The following MCTP1 variants were observed in gnomAD, a reference collection of about 807,000 sequenced individuals.
MCTP1 encodes the protein multiple C2 and transmembrane domain containing 1.
Under a neutral mutation model 120.6 loss-of-function variants are expected in MCTP1, and 69 were observed. That is an observed-to-expected ratio of 0.57 (90% confidence interval 0.47 to 0.70). MCTP1 has a LOEUF of 0.70. Among genes scored for constraint, MCTP1 ranks in the 30% least tolerant of loss-of-function variants. The pLI, the probability that MCTP1 is intolerant of heterozygous loss-of-function variation, is 0.00. For synonymous variants in MCTP1, 529 were observed against 493.1 expected (o/e 1.07, Z -0.96); for missense variants, 1,203 against 1,248.8 (o/e 0.96, Z 0.55).
At chr5:95,195,745 C>T (rs1267557631) in intron 1 of MCTP1, among the ~76,000 whole-genome samples, 1 of 151,560 alleles carries the variant, frequency 6.6e-6, no homozygotes, top group Non-Finnish European at 1.5e-5. Flanking sequence ...AACAATAATT[C>T]CTAGACCCAG....
At chr5:94,794,192 T>A (rs1189427062) in intron 18 of MCTP1, among the ~76,000 whole-genome samples, 1 of 152,232 alleles carries the variant, frequency 6.6e-6, no homozygotes, top group Non-Finnish European at 1.5e-5. Context: ...AGGAATATCA[T>A]GACAGTAAAA....
intron 17 of MCTP1, among the ~76,000 whole-genome samples, chr5:94,847,609 G>C (rs1326582932): frequency 6.6e-6 from 1 of 150,660 alleles, no homozygotes; most frequent in Non-Finnish European, 1.5e-5. Flanking sequence ...GTAGGAGGGG[G>C]TAAAAATCTT....
rs150657080 is a variant in MCTP1, at chr5:94,851,182, C to A, written c.2436+17151G>T. The stretch of plus-strand genomic sequence containing the variant: ...AATATGCTGAGTCAGTTTAAAAATG[C>A]AGATCTTTAAAACTATAAGGCAAGT... On this transcript the variant is annotated intron_variant, in intron 17 of 22. Transcript: ENST00000515393. Among the ~76,000 whole-genome samples, 31 of 152,096 alleles carry A rather than the reference C, an allele frequency of 2.0e-4. No individual in the cohort carries two copies. In the East Asian group the frequency reaches 4.7e-3, roughly 23 times the overall value.
At chr5:95,255,532 A>G (rs925070172) in intron 1 of MCTP1, among the ~76,000 whole-genome samples, 2 of 152,084 alleles carry the variant, frequency 1.3e-5, no homozygotes, top group East Asian at 1.9e-4. Context: ...CCAGGATGGT[A>G]CCCCTGGTGC....
intron 19 of MCTP1, among the ~76,000 whole-genome samples, chr5:94,760,884 T>G (rs1771179288): frequency 6.6e-6 from 1 of 152,040 alleles, no homozygotes; most frequent in Admixed American, 6.6e-5. Flanking sequence ...AGGGTCCCAC[T>G]ATGTCACCCA....
intron 1 of MCTP1, among the ~76,000 whole-genome samples, chr5:95,100,287 T>TA (rs961366118): frequency 4.0e-5 from 6 of 151,518 alleles, no homozygotes; most frequent in Middle Eastern, 3.4e-3. Context: ...AAAAAAAAAT[T>TA]AAAAAAAAAT....
chr5:95,142,994 C>A (rs969161459), intron 1 of MCTP1, among the ~76,000 whole-genome samples: 1 of 151,816 alleles, frequency 6.6e-6, no homozygotes, highest in African/African-American at 2.4e-5. Context: ...CTGTTTTTTT[C>A]ATAACAAGAA....
chr5:94,745,067 C>T (rs1228918656), intron 19 of MCTP1, among the ~76,000 whole-genome samples: 2 of 142,534 alleles, frequency 1.4e-5, no homozygotes, highest in African/African-American at 5.2e-5. Context: ...CATGCTCCCA[C>T]CCACAGAGAG....
chr5:94,855,120 T>A (rs1794493456), intron 17 of MCTP1, among the ~76,000 whole-genome samples: 1 of 151,868 alleles, frequency 6.6e-6, no homozygotes, highest in African/African-American at 2.4e-5. Context: ...AACCCGCAAC[T>A]CTGATAAGAC....
chr5:94,928,801 G>A (rs2153475022), intron 6 of MCTP1, among the ~76,000 whole-genome samples: 1 of 151,698 alleles, frequency 6.6e-6, no homozygotes, highest in East Asian at 1.9e-4. Flanking sequence ...TTTTTCCTAT[G>A]TATTACTAAG....
At chr5:95,157,109 A>G in intron 1 of MCTP1, among the ~76,000 whole-genome samples, 1 of 152,328 alleles carries the variant, frequency 6.6e-6, no homozygotes, top group East Asian at 1.9e-4. Context: ...TTATGTGAAA[A>G]TTATAAATAG....
intron 14 of MCTP1, 127 bp from the exon 15 acceptor site, chr5:94,871,100 G>GTACC: frequency 1.3e-6 from 1 of 780,746 alleles, no homozygotes; most frequent in South Asian, 1.6e-5. Flanking sequence ...ATTCTGACAA[G>GTACC]TACCTGTTCA....
At chr5:95,203,415 C>T (rs1384017424) in intron 1 of MCTP1, among the ~76,000 whole-genome samples, 1 of 152,126 alleles carries the variant, frequency 6.6e-6, no homozygotes, top group African/African-American at 2.4e-5. Context: ...TGAGATGAGA[C>T]CCTTGTGAAT....
At chr5:94,877,860 G>C (rs1425509479) in intron 12 of MCTP1, 1 of 152,144 alleles carries the variant, frequency 6.6e-6, no homozygotes, top group Non-Finnish European at 1.5e-5. Flanking sequence ...ATCCATCAGT[G>C]GTGGGCTTTG....
intron 1 of MCTP1, among the ~76,000 whole-genome samples, chr5:95,237,180 A>C (rs1755633966): frequency 6.6e-6 from 1 of 152,122 alleles, no homozygotes; most frequent in South Asian, 2.1e-4. Flanking sequence ...CAGGGTTTCC[A>C]AACATAGCCA....
chr5:95,210,302 G>A (rs1271092217), intron 1 of MCTP1, among the ~76,000 whole-genome samples: 1 of 151,660 alleles, frequency 6.6e-6, no homozygotes, highest in African/African-American at 2.4e-5. Context: ...TTATTGTGTG[G>A]GAGTCTAAGT....
intron 1 of MCTP1, among the ~76,000 whole-genome samples, chr5:95,271,349 G>A (rs1759377031): frequency 6.6e-6 from 1 of 152,036 alleles, no homozygotes; most frequent in South Asian, 2.1e-4. Context: ...AGATCCATTT[G>A]TTCCTAATTC....
At chr5:94,882,799 C>T (rs1257296065) in intron 12 of MCTP1, among the ~76,000 whole-genome samples, 1 of 152,136 alleles carries the variant, frequency 6.6e-6, no homozygotes, top group Non-Finnish European at 1.5e-5. Flanking sequence ...ATATCAAACC[C>T]AATTATTAAT....
chr5:95,088,698 A>G (rs768175664), intron 1 of MCTP1, among the ~76,000 whole-genome samples: 6 of 152,200 alleles, frequency 3.9e-5, no homozygotes, highest in Non-Finnish European at 8.8e-5. Context: ...TGCATTTTGC[A>G]TTACTATTTG....
Sources: allele counts gnomAD v4.1 joint callset (sites outside exome capture counted in the v4.1 genomes callset), GRCh38; gene constraint gnomAD v4.1.1; transcripts MANE v1.5; gene names NCBI Gene and HGNC (gene_info 2026-07-23, HGNC 2026-07-21).